The following MYO6 variants were observed in gnomAD, a reference collection of about 807,000 sequenced individuals.
MYO6 encodes the protein myosin VI, also known as unconventional myosin-VI.
A neutral mutation model predicts 178.7 loss-of-function variants in MYO6; 74 were observed. The observed-to-expected ratio is 0.41, with a 90% CI of 0.34 to 0.50. The LOEUF (loss-of-function observed/expected upper bound fraction) is 0.50. Among genes scored for constraint, MYO6 ranks in the 20% least tolerant of loss-of-function variants. The probability of loss-of-function intolerance (pLI) is 0.09; values close to 1 mark genes in which losing one functional copy is unlikely to be tolerated. For missense variants in MYO6, 1,330 were observed against 1,547.4 expected (o/e 0.86, Z 2.36); for synonymous variants, 477 against 504.6 (o/e 0.95, Z 0.73).
chr6:75,873,365 A>G, intron 20 of MYO6, 65 bp downstream of exon 20: 1 of 1,190,806 alleles, frequency 8.4e-7, no homozygotes, highest in Non-Finnish European at 1.3e-6. Context: ...TAATAGGTTC[A>G]GTATTTTCAA....
At chr6:75,797,658 C>A (rs1053682258) in intron 1 of MYO6, among the ~76,000 whole-genome samples, 1 of 152,056 alleles carries the variant, frequency 6.6e-6, no homozygotes, top group Non-Finnish European at 1.5e-5. Context: ...CTTAGATACC[C>A]GAGTAGCTGG....
chr6:75,785,177 T>G (rs2150065183), intron 1 of MYO6, among the ~76,000 whole-genome samples: 1 of 152,314 alleles, frequency 6.6e-6, no homozygotes, highest in South Asian at 2.1e-4. Context: ...GTTCTATTGC[T>G]GGGCAAACAG....
chr6:75,865,554 G>A lies in MYO6; in HGVS notation c.1675-972G>A, dbSNP rs1776593181. Among the ~76,000 whole-genome samples, 3 of 150,930 alleles carry A rather than the reference G, an allele frequency of 2.0e-5. No individual in the cohort carries two copies. In the South Asian group the frequency reaches 6.3e-4, roughly 32 times the overall value. ...AATTTTGCATATTTTTTATAGAGATGGGGTTTTGCCATGTTGCTCAGGCTG... is the reference window on the plus strand; with the variant it reads ...AATTTTGCATATTTTTTATAGAGATAGGGTTTTGCCATGTTGCTCAGGCTG... On this transcript the variant is annotated intron_variant, in intron 16 of 34. Transcript: ENST00000369977.
chr6:75,852,222 G>C (rs77834527), intron 11 of MYO6, among the ~76,000 whole-genome samples: 1 of 151,890 alleles, frequency 6.6e-6, no homozygotes, highest in African/African-American at 2.4e-5. Flanking sequence ...AATTTTTTGA[G>C]AGCTATATAA....
chr6:75,803,145 C>G (rs1468885964), intron 1 of MYO6, among the ~76,000 whole-genome samples: 1 of 152,162 alleles, frequency 6.6e-6, no homozygotes, highest in Non-Finnish European at 1.5e-5. Flanking sequence ...CTCTGAAAAT[C>G]TGTAAGAAAA....
intron 26 of MYO6, among the ~76,000 whole-genome samples, chr6:75,890,996 C>G (rs1386669347): frequency 6.6e-6 from 1 of 152,128 alleles, no homozygotes; most frequent in South Asian, 2.1e-4. Context: ...TAACCACATT[C>G]ATCTAGAGAT....
intron 1 of MYO6, among the ~76,000 whole-genome samples, chr6:75,773,599 T>A (rs1766097066): frequency 6.6e-6 from 1 of 152,216 alleles, no homozygotes; most frequent in East Asian, 1.9e-4. Flanking sequence ...GATGGATTTG[T>A]GAGCAGTACA....
chr6:75,891,032 ATTTG>A (rs1185917994), intron 26 of MYO6, among the ~76,000 whole-genome samples, 192 bp from the exon 27 acceptor site: 1 of 152,140 alleles, frequency 6.6e-6, no homozygotes, highest in Non-Finnish European at 1.5e-5. Flanking sequence ...ATATAATTAT[ATTTG>A]TTTTATTTAA....
At chr6:75,905,578 G>GGC (rs1780238703) in intron 30 of MYO6, among the ~76,000 whole-genome samples, 2 of 152,200 alleles carry the variant, frequency 1.3e-5, no homozygotes, top group Admixed American at 1.3e-4. Flanking sequence ...TGCTTTGGCT[G>GGC]GCACACGGTG....
chr6:75,892,867 T>C (rs894062076), intron 28 of MYO6, among the ~76,000 whole-genome samples, 177 bp downstream of exon 28: 4 of 152,210 alleles, frequency 2.6e-5, no homozygotes, highest in African/African-American at 9.6e-5. Flanking sequence ...GTGAATGAGA[T>C]AATTGATTTT....
At chr6:75,895,193 T>A (rs763582158) in intron 28 of MYO6, 38 bp from the exon 29 acceptor site, 1 of 1,520,632 alleles carries the variant, frequency 6.6e-7, no homozygotes, top group South Asian at 1.2e-5. Context: ...CAGTTCACAA[T>A]TGGTTACGAT....
rs1780968706 is a variant in MYO6 at position 75,914,052 on chromosome 6, C to T, written c.3440-11C>T. The stretch of plus-strand genomic sequence containing the variant: ...AGCTGCTGGTATAACTTTCCTTGTT[C>T]TGTGTAATAGCTCAGCAAAACCCAG... On this transcript the variant is annotated splice_polypyrimidine_tract_variant and intron_variant, in intron 33 of 34. Transcript: ENST00000369977. The T allele has an allele frequency of 9.3e-6, 15 of 1,613,192 alleles. No homozygotes were observed. Among genetic ancestry groups the T allele is most frequent in the Non-Finnish European group, 1.2e-5 (14 of 1,179,656 alleles).
chr6:75,843,532 G>T (rs900946128), intron 9 of MYO6, among the ~76,000 whole-genome samples: 2 of 152,246 alleles, frequency 1.3e-5, no homozygotes, highest in African/African-American at 2.4e-5. Flanking sequence ...TTCTATCCAA[G>T]GTTGTAATAT....
chr6:75,850,111 T>C (rs1775123092), intron 11 of MYO6, among the ~76,000 whole-genome samples: 1 of 151,986 alleles, frequency 6.6e-6, no homozygotes, highest in Non-Finnish European at 1.5e-5. Flanking sequence ...TAAGCACATA[T>C]CTTTAATATT....
intron 1 of MYO6, among the ~76,000 whole-genome samples, chr6:75,784,778 A>G (rs1242351969): frequency 1.9e-5 from 2 of 107,300 alleles, no homozygotes; most frequent in African/African-American, 3.3e-5. Flanking sequence ...CTCCGTCTCA[A>G]AAAAAAAAAA....
chr6:75,864,029 C>A (rs972588488), intron 16 of MYO6, among the ~76,000 whole-genome samples: 1 of 152,052 alleles, frequency 6.6e-6, no homozygotes, highest in African/African-American at 2.4e-5. Flanking sequence ...CAGTTTCGAC[C>A]ACAAAGATAG....
rs142445492 is a variant in MYO6, at chr6:75,851,003, A to G, written c.1078+2472A>G. On this transcript the variant is annotated intron_variant, in intron 11 of 34. Transcript: ENST00000369977. ...TTGTTTTGAAAATGTAATGAATGTT[A>G]GCATACATTTCATTTGCTCTCTAGC... Among the ~76,000 whole-genome samples the G allele has an allele frequency of 5.8e-4, 89 of 152,214 alleles. No individual in the cohort carries two copies. In the East Asian group the frequency reaches 0.017, roughly 29 times the overall value.
intron 1 of MYO6, among the ~76,000 whole-genome samples, chr6:75,787,728 C>CTATATA (rs1562158611): frequency 2.4e-4 from 4 of 16,386 alleles, no homozygotes; most frequent in Non-Finnish European, 4.3e-4. Flanking sequence ...CTCTCTCTCT[C>CTATATA]TCTATATATA....
chr6:75,856,791 A>G (rs1480283491), intron 12 of MYO6, among the ~76,000 whole-genome samples: 2 of 152,212 alleles, frequency 1.3e-5, no homozygotes, highest in African/African-American at 4.8e-5. Context: ...ATTTAAGGAA[A>G]ACCAAAAGGG....
Sources: allele counts gnomAD v4.1 joint callset (sites outside exome capture counted in the v4.1 genomes callset), GRCh38; gene constraint gnomAD v4.1.1; transcripts MANE v1.5; gene names NCBI Gene and HGNC (gene_info 2026-07-23, HGNC 2026-07-21).